DGKB: variants seen among roughly 807,000 people sequenced by gnomAD.
The protein encoded by DGKB is diacylglycerol kinase beta.
In DGKB, 67 loss-of-function variants were observed where a neutral mutation model predicts 114.3. The observed-to-expected ratio is 0.59, with a 90% CI of 0.48 to 0.72. DGKB has a LOEUF of 0.72. DGKB is among the 30% of genes least tolerant of loss of function. The pLI is 0.00. For missense variants in DGKB, 907 were observed against 975.2 expected (o/e 0.93, Z 0.93); for synonymous variants, 398 against 323.1 (o/e 1.23, Z -2.49).
chr7:14,242,866 G>GT (rs10656701), intron 23 of DGKB, among the ~76,000 whole-genome samples: 13,264 of 146,070 alleles, frequency 0.091, 613 homozygotes, highest in Non-Finnish European at 0.11. Flanking sequence ...TATGAAGGCT[G>GT]TTTTTTTTTT....
At chr7:14,893,365 C>G (rs146220630) in intron 1 of DGKB, among the ~76,000 whole-genome samples, 1 of 151,400 alleles carries the variant, frequency 6.6e-6, no homozygotes, top group East Asian at 1.9e-4. Context: ...TTTTCCTGGT[C>G]TTTAGAACAT....
At position 14,671,715 on chromosome 7, in the gene DGKB, T is replaced by A. The variant is rs189028987; in HGVS notation, c.1134+1214A>T. On this transcript the variant is annotated intron_variant, in intron 13 of 25. Transcript: ENST00000402815. ...TAGTAGGAAGAAATCATAGATCTCA[T>A]CTTAGAGTTAAAATCTGAGATCAAA... is the stretch of plus-strand genomic sequence containing the variant. Among the ~76,000 whole-genome samples the A allele has an allele frequency of 1.3e-4, 20 of 152,240 alleles. No individual in the cohort carries two copies. The East Asian group carries it at 3.7e-3, about 28-fold the overall frequency.
At chr7:14,914,456 A>C (rs1379348829) in intron 1 of DGKB, among the ~76,000 whole-genome samples, 1 of 152,178 alleles carries the variant, frequency 6.6e-6, no homozygotes, top group African/African-American at 2.4e-5. Flanking sequence ...AAAGAAAATG[A>C]ATCTAGGAGA....
chr7:14,921,765 G>A (rs1173350500), intron 1 of DGKB, among the ~76,000 whole-genome samples: 2 of 152,138 alleles, frequency 1.3e-5, no homozygotes, highest in Non-Finnish European at 2.9e-5. Context: ...TTAAACCAGA[G>A]ATTACTTTGA....
At chr7:14,711,053 A>G (rs564956986) in intron 6 of DGKB, among the ~76,000 whole-genome samples, 1 of 152,198 alleles carries the variant, frequency 6.6e-6, no homozygotes, top group Admixed American at 6.5e-5. Context: ...CTTCCCTGAA[A>G]ATTTTGAACA....
intron 21 of DGKB, among the ~76,000 whole-genome samples, chr7:14,392,335 G>A (rs188878173): frequency 3.3e-5 from 5 of 152,186 alleles, no homozygotes; most frequent in East Asian, 3.9e-4. Flanking sequence ...ACTGGATGAG[G>A]TTGCCAACAC....
chr7:14,454,504 T>G (rs941401439), intron 21 of DGKB, among the ~76,000 whole-genome samples: 1 of 152,106 alleles, frequency 6.6e-6, no homozygotes, highest in Non-Finnish European at 1.5e-5. Context: ...CAAAGGTAGC[T>G]TCCACGTTCA....
intron 23 of DGKB, among the ~76,000 whole-genome samples, chr7:14,214,159 C>G (rs559451391): frequency 4.6e-5 from 7 of 152,116 alleles, no homozygotes; most frequent in Non-Finnish European, 8.8e-5. Context: ...ACATGGCTTC[C>G]TTCCTTAAAA....
At chr7:14,169,301 A>C (rs776903731) in intron 25 of DGKB, among the ~76,000 whole-genome samples, 132 of 146,786 alleles carry the variant, frequency 9.0e-4, no homozygotes, top group African/African-American at 2.9e-3. Flanking sequence ...GGAGGTGGAG[A>C]TTGCAGTGAG....
intron 13 of DGKB, among the ~76,000 whole-genome samples, chr7:14,656,941 A>G (rs1238809927): frequency 6.6e-6 from 1 of 151,748 alleles, no homozygotes; most frequent in Non-Finnish European, 1.5e-5. Context: ...TACATAATAT[A>G]AACTAGTTCA....
intron 1 of DGKB, among the ~76,000 whole-genome samples, chr7:14,851,351 T>C (rs1291441208): frequency 6.6e-6 from 1 of 152,212 alleles, no homozygotes; most frequent in Non-Finnish European, 1.5e-5. Flanking sequence ...TATCTTATTC[T>C]TGTTAAGAAA....
At chr7:14,619,105 G>A (rs967664906) in intron 15 of DGKB, among the ~76,000 whole-genome samples, 3 of 150,996 alleles carry the variant, frequency 2.0e-5, no homozygotes, top group Non-Finnish European at 4.4e-5. Context: ...CCTTTCTGCT[G>A]AGGTACAACA....
At chr7:14,865,855 T>G (rs545375412) in intron 1 of DGKB, among the ~76,000 whole-genome samples, 1 of 152,270 alleles carries the variant, frequency 6.6e-6, no homozygotes, top group African/African-American at 2.4e-5. Flanking sequence ...GATAGAGGAC[T>G]TTGTATGGCT....
intron 23 of DGKB, among the ~76,000 whole-genome samples, chr7:14,315,625 T>G (rs2128517959): frequency 6.8e-6 from 1 of 146,060 alleles, no homozygotes; most frequent in Non-Finnish European, 1.5e-5. Context: ...GCACCCAGAT[T>G]CATAAAGCAA....
chr7:14,576,931 G>C (rs534469510), intron 19 of DGKB, among the ~76,000 whole-genome samples: 2 of 152,164 alleles, frequency 1.3e-5, no homozygotes, highest in Non-Finnish European at 2.9e-5. Flanking sequence ...CAATTCAGAA[G>C]TGATTCACAT....
Position 14,720,519 on chromosome 7 carries a change from A to G in DGKB, c.323-1834T>C, listed in dbSNP as rs1011675329. Among the ~76,000 whole-genome samples the G allele has an allele frequency of 6.0e-3, 627 of 104,874 alleles. 1 individual carries two copies. Among genetic ancestry groups the G allele is most frequent in the Non-Finnish European group, 6.7e-3 (326 of 48,764 alleles). The allele number at this position is 104,874 out of a possible 152,430, so 68.8% of individuals were successfully genotyped here. On this transcript the variant is annotated intron_variant, in intron 5 of 25. Coordinates refer to ENST00000402815, the MANE Select transcript of DGKB (RefSeq NM_001350709.2). ...TGTGTGTGTGTGTGTGTGTGTGTGT[A>G]TGTTTAGTAGAGATGGTGTTTCACC... is the stretch of plus-strand genomic sequence containing the variant.
At chr7:14,853,799 C>T (rs955570016) in intron 1 of DGKB, among the ~76,000 whole-genome samples, 10 of 139,532 alleles carry the variant, frequency 7.2e-5, no homozygotes, top group Admixed American at 2.5e-4. Context: ...ACCCACGAGG[C>T]GGAGCTTGCA....
At chr7:14,874,563 CTCTT>C (rs1010169353) in intron 1 of DGKB, among the ~76,000 whole-genome samples, 7 of 151,812 alleles carry the variant, frequency 4.6e-5, no homozygotes, top group African/African-American at 1.5e-4. Flanking sequence ...TTCTCTCTCT[CTCTT>C]TTTCTATATA....
intron 20 of DGKB, among the ~76,000 whole-genome samples, chr7:14,504,239 G>A (rs1189861223): frequency 6.6e-6 from 1 of 152,120 alleles, no homozygotes; most frequent in African/African-American, 2.4e-5. Context: ...GGAGCCTTGT[G>A]TAATTCTGAT....
Sources: gnomAD v4.1 joint callset for allele counts (sites outside exome capture counted in the v4.1 genomes callset) on GRCh38, gnomAD v4.1.1 for gene constraint, MANE v1.5 for transcripts, NCBI Gene and HGNC (gene_info 2026-07-23, HGNC 2026-07-21) for gene names.